The following SLC9A9 variants were observed in gnomAD, a reference collection of about 807,000 sequenced individuals.
The protein encoded by SLC9A9 is sodium/hydrogen exchanger 9.
SLC9A9 carries 62 observed loss-of-function variants against 77.8 expected under a neutral mutation model. That is an observed-to-expected ratio of 0.80 (90% confidence interval 0.65 to 0.98). The LOEUF (loss-of-function observed/expected upper bound fraction) is 0.98, where lower values mean the gene tolerates loss of function less well. SLC9A9 is among the 50% of genes least tolerant of loss of function. SLC9A9 has a pLI of 0.00. For missense variants in SLC9A9, 775 were observed against 774.9 expected (o/e 1.00, Z 0.00); for synonymous variants, 320 against 283.5 (o/e 1.13, Z -1.29).
intron 4 of SLC9A9, among the ~76,000 whole-genome samples, chr3:143,716,334 A>G (rs529225776): frequency 6.7e-4 from 102 of 152,114 alleles, no homozygotes; most frequent in African/African-American, 2.3e-3. Context: ...TCAGCCTCCC[A>G]AAATGTTGGG....
intron 5 of SLC9A9, among the ~76,000 whole-genome samples, chr3:143,654,229 T>C (rs2108750462): frequency 6.6e-6 from 1 of 152,324 alleles, no homozygotes. Flanking sequence ...TTTCAAAAAA[T>C]TATGCTGTGT....
intron 5 of SLC9A9, among the ~76,000 whole-genome samples, chr3:143,665,138 TTAGACCA>T (rs1443803062): frequency 6.6e-6 from 1 of 152,254 alleles, no homozygotes; most frequent in Non-Finnish European, 1.5e-5. Flanking sequence ...AAACTGTTTC[TTAGACCA>T]TAGTGCAATC....
intron 14 of SLC9A9, among the ~76,000 whole-genome samples, chr3:143,278,713 T>C (rs1463007125): frequency 6.6e-6 from 1 of 152,194 alleles, no homozygotes; most frequent in Non-Finnish European, 1.5e-5. Flanking sequence ...CTTAACTACA[T>C]ATATAAGTGA....
intron 1 of SLC9A9, among the ~76,000 whole-genome samples, chr3:143,834,295 A>G (rs537618742): frequency 6.6e-6 from 1 of 152,256 alleles, no homozygotes; most frequent in South Asian, 2.1e-4. Flanking sequence ...CTCAGTGTTG[A>G]ATGACGACAA....
Position 143,574,344 on chromosome 3 carries a change from G to A in SLC9A9, c.895-151C>T, listed in dbSNP as rs1052013167. ...TGACTGGAAGGCCATAATTCTCACT[G>A]GGACCTACTTTGAAGGCCAGCACGA... On this transcript the variant is annotated intron_variant, in intron 7 of 15. Coordinates refer to ENST00000316549, the MANE Select transcript of SLC9A9 (RefSeq NM_173653.4). 4.3e-6 allele frequency: 3 copies of A among 705,626 alleles called. No individual in the cohort carries two copies. The African/African-American group carries it at 5.3e-5, about 13-fold the overall frequency. 43.7% of individuals were successfully genotyped at this position (705,626 alleles called of 1,614,324 possible). A position where few individuals can be genotyped will look rare whatever the true frequency, so the allele number is the denominator to read the frequency against.
Position 143,610,140 on chromosome 3 carries a change from C to CTTTA in SLC9A9, c.756-31421_756-31418dup, listed in dbSNP as rs2037998380. 2.0e-5 allele frequency among the ~76,000 whole-genome samples: 3 copies of CTTTA among 151,832 alleles called. No individual in the cohort carries two copies. The South Asian group carries it at 6.3e-4, about 32-fold the overall frequency. On this transcript the variant is annotated intron_variant, in intron 6 of 15. Coordinates refer to ENST00000316549, the MANE Select transcript of SLC9A9 (RefSeq NM_173653.4). ...ATTACTTAGAACTTTCGGAGTTTTC[C>CTTTA]TTTATTTATTTTTTTTTTATTTATT... is the stretch of plus-strand genomic sequence containing the variant.
chr3:143,394,486 A>T (rs1395634772), intron 12 of SLC9A9, among the ~76,000 whole-genome samples: 1 of 152,238 alleles, frequency 6.6e-6, no homozygotes, highest in African/African-American at 2.4e-5. Flanking sequence ...ACAAACCCAC[A>T]GTCAGTATCA....
chr3:143,558,628 G>A (rs1293128481), intron 8 of SLC9A9, among the ~76,000 whole-genome samples: 7 of 152,214 alleles, frequency 4.6e-5, no homozygotes, highest in South Asian at 4.2e-4. Flanking sequence ...TACCTCCTTT[G>A]TTTTGGCCAA....
chr3:143,834,878 T>C (rs1038921378), intron 1 of SLC9A9, among the ~76,000 whole-genome samples: 1 of 152,098 alleles, frequency 6.6e-6, no homozygotes, highest in Non-Finnish European at 1.5e-5. Flanking sequence ...CTCAGATAGA[T>C]GAAAATGTAC....
Position 143,572,654 on chromosome 3 carries a change from C to A in SLC9A9, c.1000+1434G>T, listed in dbSNP as rs955701197. 6.6e-4 allele frequency among the ~76,000 whole-genome samples: 100 copies of A among 152,114 alleles called. 6 individuals carry two copies. Among genetic ancestry groups the A allele is most frequent in the Non-Finnish European group, 3.7e-4 (25 of 68,024 alleles). Reference sequence around the variant, plus strand: ...AATTTGTATTGAAATAATTTAGATACAAAGGCCTGGTAGGGTGGAATCCAG... The same window carrying A: ...AATTTGTATTGAAATAATTTAGATAAAAAGGCCTGGTAGGGTGGAATCCAG... On this transcript the variant is annotated intron_variant, in intron 8 of 15. Transcript: ENST00000316549.
intron 14 of SLC9A9, among the ~76,000 whole-genome samples, chr3:143,296,954 A>C (rs2030297881): frequency 6.6e-6 from 1 of 152,048 alleles, no homozygotes. Flanking sequence ...GTTTGCAAAT[A>C]TTTTCTTCCA....
intron 2 of SLC9A9, among the ~76,000 whole-genome samples, chr3:143,815,202 C>T (rs2008972692): frequency 6.6e-6 from 1 of 152,186 alleles, no homozygotes; most frequent in Admixed American, 6.5e-5. Flanking sequence ...TACTCAAAGA[C>T]ATTCAAATCT....
At chr3:143,644,195 T>C (rs1359820593) in intron 6 of SLC9A9, among the ~76,000 whole-genome samples, 1 of 152,234 alleles carries the variant, frequency 6.6e-6, no homozygotes, top group African/African-American at 2.4e-5. Flanking sequence ...CAAATTTTGC[T>C]GAAGCTAATT....
intron 4 of SLC9A9, among the ~76,000 whole-genome samples, chr3:143,746,047 G>T (rs1380459426): frequency 6.6e-6 from 1 of 152,230 alleles, no homozygotes; most frequent in Admixed American, 6.5e-5. Flanking sequence ...CTGGAAAATG[G>T]CGAGCATAGG....
intron 14 of SLC9A9, among the ~76,000 whole-genome samples, chr3:143,312,694 C>T (rs2031061741): frequency 6.6e-6 from 1 of 152,228 alleles, no homozygotes; most frequent in Non-Finnish European, 1.5e-5. Context: ...AAAGCTGAGT[C>T]CCTCATGTCA....
At chr3:143,496,750 T>C (rs1236038842) in intron 9 of SLC9A9, among the ~76,000 whole-genome samples, 2 of 152,248 alleles carry the variant, frequency 1.3e-5, no homozygotes, top group African/African-American at 2.4e-5. Context: ...TGCCTCATTA[T>C]ATCTTTACTT....
intron 5 of SLC9A9, among the ~76,000 whole-genome samples, chr3:143,675,813 A>C (rs780874027): frequency 2.0e-5 from 3 of 152,178 alleles, no homozygotes; most frequent in Non-Finnish European, 4.4e-5. Context: ...CATAATATGC[A>C]TACTCTTTGT....
At chr3:143,379,725 G>T (rs1036755258) in intron 13 of SLC9A9, among the ~76,000 whole-genome samples, 7 of 152,128 alleles carry the variant, frequency 4.6e-5, no homozygotes, top group African/African-American at 1.7e-4. Context: ...TCCTTCTAAT[G>T]ATGTGAATTT....
chr3:143,576,264 C>A (rs1435815126), intron 7 of SLC9A9, among the ~76,000 whole-genome samples: 2 of 152,234 alleles, frequency 1.3e-5, no homozygotes, highest in East Asian at 3.8e-4. Flanking sequence ...GTAACAGTAT[C>A]TACCTTCCAG....
Sources: gnomAD v4.1 joint callset for allele counts (sites outside exome capture counted in the v4.1 genomes callset) on GRCh38, gnomAD v4.1.1 for gene constraint, MANE v1.5 for transcripts, NCBI Gene and HGNC (gene_info 2026-07-23, HGNC 2026-07-21) for gene names.